Variants in HHAT observed in about 807,000 individuals in gnomAD.
The protein encoded by HHAT is hedgehog acyltransferase.
HHAT carries 47 observed loss-of-function variants against 70.8 expected under a neutral mutation model. That is an observed-to-expected ratio of 0.66 (90% CI 0.53 to 0.85). The LOEUF (loss-of-function observed/expected upper bound fraction) is 0.85. HHAT is among the 40% of genes least tolerant of loss of function. The pLI is 0.00. For synonymous variants in HHAT, 228 were observed against 247.6 expected (o/e 0.92, Z 0.74); for missense variants, 609 against 604.8 (o/e 1.01, Z -0.07).
chr1:210,408,648 C>G (rs1055248114), intron 6 of HHAT, among the ~76,000 whole-genome samples: 1 of 152,132 alleles, frequency 6.6e-6, no homozygotes, highest in African/African-American at 2.4e-5. Flanking sequence ...GTGCTGGTTC[C>G]ATCTATTTGA....
In HHAT at chr1:210,576,677, T is replaced by C. The variant is rs188414342; in HGVS notation, c.1044-11221T>C. Among the ~76,000 whole-genome samples the C allele has an allele frequency of 1.1e-3, 169 of 152,186 alleles. 1 individual carries two copies. The highest frequency in any genetic ancestry group is 4.0e-3 in the African/African-American group (165 of 41,548). ...AACTTAAAGTATAATAATAATAACA[T>C]TGAAAAAAAGAAAAAAAGAACACTT... On this transcript the variant is annotated intron_variant, in intron 9 of 11. Transcript: ENST00000261458.
chr1:210,642,564 C>A (rs1673180085), intron 11 of HHAT, among the ~76,000 whole-genome samples: 1 of 152,130 alleles, frequency 6.6e-6, no homozygotes, highest in Non-Finnish European at 1.5e-5. Context: ...TGTTTGGCAT[C>A]TCATCATGAT....
intron 8 of HHAT, among the ~76,000 whole-genome samples, chr1:210,496,884 C>T (rs2094654725): frequency 6.6e-6 from 1 of 152,232 alleles, no homozygotes; most frequent in Non-Finnish European, 1.5e-5. Context: ...ATCCTTCTGT[C>T]TGATTTCTGT....
chr1:210,386,230 CTTTTTTTT>C (rs869305965), intron 3 of HHAT, among the ~76,000 whole-genome samples: 6 of 69,922 alleles, frequency 8.6e-5, no homozygotes, highest in South Asian at 6.3e-4. Context: ...TTCTTTTTTT[CTTTTTTTT>C]TTTTTTTTTT....
At chr1:210,434,874 CTG>C (rs2093338885) in intron 7 of HHAT, among the ~76,000 whole-genome samples, 1 of 151,874 alleles carries the variant, frequency 6.6e-6, no homozygotes, top group African/African-American at 2.4e-5. Context: ...ACTTGTAAAA[CTG>C]ATATATGATG....
In HHAT at chr1:210,485,220, A is replaced by G. The variant is rs2094456655; in HGVS notation, c.1007+20565A>G. Among the ~76,000 whole-genome samples, 3 of 152,312 alleles carry G rather than the reference A, an allele frequency of 2.0e-5. No individual in the cohort carries two copies. In the South Asian group the frequency reaches 6.2e-4, roughly 32 times the overall value. On this transcript the variant is annotated intron_variant, in intron 8 of 11. Coordinates refer to ENST00000261458, the MANE Select transcript of HHAT (RefSeq NM_018194.6). ...CAAGACCTAGATGGGAGTGAGAATA[A>G]GAACACATCTATATACCTGACTTTT...
chr1:210,529,304 C>CA (rs11341906), intron 9 of HHAT, among the ~76,000 whole-genome samples: 18,093 of 121,914 alleles, frequency 0.15, 1,480 homozygotes, highest in South Asian at 0.24. Context: ...GACTTCATCT[C>CA]AAAAAAAACA....
At chr1:210,354,416 G>C (rs1025635414) in intron 2 of HHAT, among the ~76,000 whole-genome samples, 2 of 151,918 alleles carry the variant, frequency 1.3e-5, no homozygotes, top group Non-Finnish European at 1.5e-5. Context: ...TGTTAGTCAG[G>C]CTGGTCTCAA....
intron 9 of HHAT, among the ~76,000 whole-genome samples, chr1:210,524,384 G>A (rs1011410956): frequency 1.3e-5 from 2 of 152,146 alleles, no homozygotes; most frequent in African/African-American, 2.4e-5. Flanking sequence ...TTAAGGCAGC[G>A]GGCAACACAG....
chr1:210,556,739 T>C (rs1220581550), intron 9 of HHAT, among the ~76,000 whole-genome samples: 1 of 152,210 alleles, frequency 6.6e-6, no homozygotes, highest in Non-Finnish European at 1.5e-5. Context: ...GATGATAGAA[T>C]TTAACTTCAT....
At chr1:210,558,327 C>G (rs1017234059) in intron 9 of HHAT, among the ~76,000 whole-genome samples, 3 of 152,196 alleles carry the variant, frequency 2.0e-5, no homozygotes, top group Admixed American at 6.5e-5. Flanking sequence ...GCTGGTAACT[C>G]TTTTGCAAAG....
At chr1:210,414,974 G>A (rs1397634913) in intron 6 of HHAT, among the ~76,000 whole-genome samples, 1 of 152,074 alleles carries the variant, frequency 6.6e-6, no homozygotes, top group Non-Finnish European at 1.5e-5. Flanking sequence ...AGCTGAGATT[G>A]TGCCACTGCA....
intron 10 of HHAT, among the ~76,000 whole-genome samples, chr1:210,618,045 G>A (rs184317951): frequency 1.7e-4 from 26 of 152,278 alleles, no homozygotes; most frequent in African/African-American, 5.5e-4. Context: ...GTTGAGAAAC[G>A]GTCCTGCCCT....
Position 210,329,091 on chromosome 1 carries a change from G to A in HHAT, c.-57G>A. 4 of 1,408,952 alleles carry A rather than the reference G, an allele frequency of 2.8e-6. No individual in the cohort carries two copies. Among genetic ancestry groups the A allele is most frequent in the South Asian group, 3.1e-5 (2 of 65,344 alleles). 87.3% of individuals were successfully genotyped at this position (1,408,952 alleles called of 1,614,324 possible). A position where few individuals can be genotyped will look rare whatever the true frequency, so the allele number is the denominator to read the frequency against. ...GTGAACGTTGCCGTCGCCGCCGCCC[G>A]GGACAGCCCGGAGGTTGGTAACTGG... On this transcript the variant is annotated 5_prime_UTR_variant, in exon 1 of 12. Transcript: ENST00000261458.
At chr1:210,386,226 T>TTTC (rs2091033532) in intron 3 of HHAT, among the ~76,000 whole-genome samples, 6 of 102,728 alleles carry the variant, frequency 5.8e-5, no homozygotes, top group African/African-American at 2.2e-4. Context: ...CCTTTTCTTT[T>TTTC]TTTCTTTTTT....
chr1:210,620,565 G>A (rs1668626257), intron 10 of HHAT, among the ~76,000 whole-genome samples: 1 of 152,120 alleles, frequency 6.6e-6, no homozygotes, highest in African/African-American at 2.4e-5. Flanking sequence ...TTATTGGCAT[G>A]GCTAGTTTTG....
At chr1:210,528,400 T>C (rs896208001) in intron 9 of HHAT, among the ~76,000 whole-genome samples, 2 of 152,212 alleles carry the variant, frequency 1.3e-5, no homozygotes, top group Non-Finnish European at 2.9e-5. Flanking sequence ...AGATTGTCCA[T>C]GGCTGGGCCA....
At chr1:210,653,264 T>G (rs1278244777) in intron 11 of HHAT, among the ~76,000 whole-genome samples, 1 of 152,166 alleles carries the variant, frequency 6.6e-6, no homozygotes, top group Non-Finnish European at 1.5e-5. Flanking sequence ...AACTACCAGC[T>G]GGGTGCAGTG....
chr1:210,588,180 C>T (rs1660902039), intron 10 of HHAT, 81 bp downstream of exon 10: 1 of 1,198,980 alleles, frequency 8.3e-7, no homozygotes, highest in Non-Finnish European at 1.2e-6. Flanking sequence ...CCATCAGATT[C>T]CCTGCCCCCA....
Sources: allele counts gnomAD v4.1 joint callset (sites outside exome capture counted in the v4.1 genomes callset), GRCh38; gene constraint gnomAD v4.1.1; transcripts MANE v1.5; gene names NCBI Gene and HGNC (gene_info 2026-07-23, HGNC 2026-07-21).